Variants in SLC25A26 observed in about 807,000 individuals in gnomAD.
SLC25A26 encodes mitochondrial S-adenosylmethionine carrier protein.
A neutral mutation model predicts 37.8 loss-of-function variants in SLC25A26; 36 were observed. The ratio of observed to expected loss-of-function variants is 0.95; its 90% CI spans 0.73 to 1.26. The LOEUF is 1.26. SLC25A26 is among the 50% of genes most tolerant of loss of function. The probability of loss-of-function intolerance (pLI) is 0.00; values close to 1 mark genes in which losing one functional copy is unlikely to be tolerated. For missense variants in SLC25A26, 390 were observed against 331.1 expected (o/e 1.18, Z -1.38); for synonymous variants, 129 against 122.5 (o/e 1.05, Z -0.35).
At chr3:66,134,029 T>G (rs1015919024) in intron 1 of SLC25A26, 9 of 152,298 alleles carry the variant, frequency 5.9e-5, no homozygotes, top group Non-Finnish European at 1.3e-4. Context: ...CACCCACAAT[T>G]GGAAGGAAAG....
chr3:66,156,206 G>T (rs899441341), intron 1 of SLC25A26, among the ~76,000 whole-genome samples: 2 of 152,138 alleles, frequency 1.3e-5, no homozygotes, highest in African/African-American at 2.4e-5. Flanking sequence ...TGAGCACTGG[G>T]GTACCATTCA....
At position 66,323,670 on chromosome 3, in the gene SLC25A26, C is replaced by T. The variant is rs796724086; in HGVS notation, c.454-22694C>T. Reference sequence around the variant, plus strand: ...AAAAGAAAAAAATACAAAAATTAGCCGGGCCTAGTGGTGCGTGCCTGTAGT... The same window carrying T: ...AAAAGAAAAAAATACAAAAATTAGCTGGGCCTAGTGGTGCGTGCCTGTAGT... On this transcript the variant is annotated intron_variant, in intron 5 of 9. Coordinates refer to ENST00000354883, the MANE Select transcript of SLC25A26 (RefSeq NM_001379210.1). Among the ~76,000 whole-genome samples the T allele has an allele frequency of 4.5e-4, 68 of 152,164 alleles. 1 individual carries two copies. Among genetic ancestry groups the T allele is most frequent in the African/African-American group, 1.3e-3 (55 of 41,522 alleles).
At chr3:66,244,396 T>A (rs1327724024) in intron 3 of SLC25A26, among the ~76,000 whole-genome samples, 3 of 152,128 alleles carry the variant, frequency 2.0e-5, no homozygotes, top group African/African-American at 7.2e-5. Context: ...GATAGTCACA[T>A]CTCTCTCTCG....
chr3:66,254,407 C>G (rs1416919854), intron 3 of SLC25A26, among the ~76,000 whole-genome samples: 2 of 152,324 alleles, frequency 1.3e-5, no homozygotes, highest in Non-Finnish European at 2.9e-5. Context: ...TTCATAGTTT[C>G]CAGGGGTCTC....
At chr3:66,263,681 T>C (rs555808772) in intron 5 of SLC25A26, among the ~76,000 whole-genome samples, 56 of 151,252 alleles carry the variant, frequency 3.7e-4, no homozygotes, top group Admixed American at 9.9e-4. Context: ...TTTTTTGAAA[T>C]GCAGTCTCGC....
chr3:66,211,559 T>C (rs1394865374), intron 1 of SLC25A26, among the ~76,000 whole-genome samples: 1 of 152,178 alleles, frequency 6.6e-6, no homozygotes, highest in Non-Finnish European at 1.5e-5. Flanking sequence ...AAACTCTTAC[T>C]TAACAAAACA....
At chr3:66,357,583 C>G (rs2076605368) in intron 6 of SLC25A26, among the ~76,000 whole-genome samples, 1 of 151,946 alleles carries the variant, frequency 6.6e-6, no homozygotes, top group Admixed American at 6.6e-5. Context: ...ACATTCGGGC[C>G]CCTTAATGCC....
At chr3:66,235,791 G>A (rs1276256337) in intron 1 of SLC25A26, among the ~76,000 whole-genome samples, 1 of 152,170 alleles carries the variant, frequency 6.6e-6, no homozygotes, top group South Asian at 2.1e-4. Context: ...TATGTTTAAA[G>A]TAACTTTGGA....
chr3:66,212,897 C>T (rs879029430), intron 1 of SLC25A26, among the ~76,000 whole-genome samples: 37,940 of 152,072 alleles, frequency 0.25, 5,160 homozygotes, highest in African/African-American at 0.36. Context: ...ATTCATTTGC[C>T]GATTGACATT....
At chr3:66,175,280 TG>T (rs2070569548) in intron 1 of SLC25A26, among the ~76,000 whole-genome samples, 2 of 152,078 alleles carry the variant, frequency 1.3e-5, no homozygotes, top group Middle Eastern at 3.4e-3. Flanking sequence ...GCTGAACTGT[TG>T]TGGCATGATC....
At chr3:66,344,711 G>T (rs1366001568) in intron 5 of SLC25A26, among the ~76,000 whole-genome samples, 1 of 152,368 alleles carries the variant, frequency 6.6e-6, no homozygotes, top group East Asian at 1.9e-4. Flanking sequence ...CATTACTTCA[G>T]CTGCTGGGTG....
At chr3:66,280,887 A>C (rs1482956056) in intron 5 of SLC25A26, among the ~76,000 whole-genome samples, 1 of 152,136 alleles carries the variant, frequency 6.6e-6, no homozygotes, top group Non-Finnish European at 1.5e-5. Flanking sequence ...ATGGAGTCCT[A>C]CTTCTCATAA....
intron 1 of SLC25A26, among the ~76,000 whole-genome samples, chr3:66,155,416 G>A (rs1408689894): frequency 6.6e-6 from 1 of 152,142 alleles, no homozygotes; most frequent in Non-Finnish European, 1.5e-5. Context: ...AGGAGGCTGA[G>A]GCAGAAGGAT....
intron 1 of SLC25A26, among the ~76,000 whole-genome samples, chr3:66,195,512 G>T (rs1189329699): frequency 6.6e-6 from 1 of 152,240 alleles, no homozygotes; most frequent in Non-Finnish European, 1.5e-5. Flanking sequence ...CAGGGTTGGA[G>T]GCTCAGCTAA....
intron 5 of SLC25A26, among the ~76,000 whole-genome samples, chr3:66,285,348 G>A (rs1291606618): frequency 6.6e-6 from 1 of 151,434 alleles, no homozygotes; most frequent in African/African-American, 2.4e-5. Context: ...GTTTACCTGA[G>A]ATAAATTTAT....
intron 1 of SLC25A26, among the ~76,000 whole-genome samples, chr3:66,175,885 C>T (rs1404075458): frequency 1.3e-5 from 2 of 152,210 alleles, no homozygotes; most frequent in Non-Finnish European, 2.9e-5. Context: ...TCTGAGAATA[C>T]TGTTTGACCA....
chr3:66,327,620 G>A (rs1385383419), intron 5 of SLC25A26, among the ~76,000 whole-genome samples: 4 of 151,020 alleles, frequency 2.6e-5, no homozygotes, highest in African/African-American at 7.4e-5. Flanking sequence ...ATCCAAAAAG[G>A]ATGATTTTTT....
chr3:66,348,881 GAGA>G (rs1270157710), intron 6 of SLC25A26, among the ~76,000 whole-genome samples: 2 of 152,178 alleles, frequency 1.3e-5, no homozygotes, highest in African/African-American at 2.4e-5. Flanking sequence ...GCTATCCAAT[GAGA>G]AGGTCACGTT....
chr3:66,252,162 T>C (rs78789242), intron 3 of SLC25A26, among the ~76,000 whole-genome samples: 91 of 152,372 alleles, frequency 6.0e-4, no homozygotes, highest in African/African-American at 2.1e-3. Flanking sequence ...CAAGCGAGCC[T>C]GAACTCTGTC....
Sources: gnomAD v4.1 joint callset for allele counts (sites outside exome capture counted in the v4.1 genomes callset) on GRCh38, gnomAD v4.1.1 for gene constraint, MANE v1.5 for transcripts, NCBI Gene and HGNC (gene_info 2026-07-23, HGNC 2026-07-21) for gene names.